The following KIAA0825 variants were observed in gnomAD, a reference collection of about 807,000 sequenced individuals.
KIAA0825 encodes uncharacterized protein KIAA0825.
In KIAA0825, 119 loss-of-function variants were observed where a neutral mutation model predicts 147.6. The ratio of observed to expected loss-of-function variants is 0.81; its 90% CI spans 0.69 to 0.94. The LOEUF is 0.94. KIAA0825 is among the 40% of genes least tolerant of loss of function. The pLI, the probability that KIAA0825 is intolerant of heterozygous loss-of-function variation, is 0.00. For missense variants in KIAA0825, 1,381 were observed against 1,472.7 expected, an observed-to-expected ratio of 0.94 and a Z score of 1.02; for synonymous variants, 470 against 518.1, an observed-to-expected ratio of 0.91 and a Z score of 1.26.
At chr5:94,372,761 G>A (rs553407365) in intron 20 of KIAA0825, among the ~76,000 whole-genome samples, 1 of 152,334 alleles carries the variant, frequency 6.6e-6, no homozygotes, top group East Asian at 1.9e-4. Flanking sequence ...TCAGCTCCTC[G>A]TTACTTATGC....
chr5:94,384,706 G>T (rs750445945), intron 19 of KIAA0825, among the ~76,000 whole-genome samples: 1 of 152,088 alleles, frequency 6.6e-6, no homozygotes, highest in South Asian at 2.1e-4. Flanking sequence ...TTATTGAGTC[G>T]TTATTCTTCC....
intron 2 of KIAA0825, among the ~76,000 whole-genome samples, chr5:94,547,872 G>C (rs930129897): frequency 1.3e-5 from 2 of 150,276 alleles, no homozygotes; most frequent in African/African-American, 4.9e-5. Context: ...AGGTACTGAA[G>C]GAAAAAAAAA....
intron 14 of KIAA0825, among the ~76,000 whole-genome samples, chr5:94,428,642 T>C (rs900651374): frequency 6.6e-6 from 1 of 152,224 alleles, no homozygotes; most frequent in Non-Finnish European, 1.5e-5. Context: ...CTTCCCTTTG[T>C]ACATGATCTG....
At chr5:94,224,082 C>CTTTTTTTTTTTT (rs869059424) in intron 20 of KIAA0825, among the ~76,000 whole-genome samples, 58 of 56,476 alleles carry the variant, frequency 1.0e-3, no homozygotes, top group Admixed American at 1.5e-3. Context: ...TTTTTCTTTT[C>CTTTTTTTTTTTT]TTTTTTTTTT....
intron 1 of KIAA0825, among the ~76,000 whole-genome samples, chr5:94,598,703 A>G (rs80292073): frequency 0.012 from 1,828 of 152,284 alleles, 34 homozygotes; most frequent in African/African-American, 0.042. Context: ...TCACAAACAC[A>G]AGTAATGCAT....
At chr5:94,559,966 C>A (rs1397219590) in intron 2 of KIAA0825, among the ~76,000 whole-genome samples, 2 of 152,162 alleles carry the variant, frequency 1.3e-5, no homozygotes, top group African/African-American at 2.4e-5. Flanking sequence ...TGCAGCCAGG[C>A]CTTCTCTTGT....
chr5:94,473,515 G>A lies in KIAA0825; in HGVS notation c.1232C>T (p.Thr411Ile). The change falls in exon 8 of 21, where the codon ACC becomes ATC. Residue 411 changes from threonine to isoleucine, a missense_variant. Physicochemically the swap from Thr to Ile is moderately conservative, Grantham distance 89. Transcript: ENST00000682413. Reference sequence around the variant, plus strand: ...ACTTCTCCAGCCAAAATCTAGTAAGGTAGCCTGAAATATCAATGTATATGA... The same window carrying A: ...ACTTCTCCAGCCAAAATCTAGTAAGATAGCCTGAAATATCAATGTATATGA... ...SEQSLPGKEA[T>I]LLDFGWRSAF... is the part of the protein sequence containing the mutation. The A allele has an allele frequency of 6.5e-7, 1 of 1,546,854 alleles. No individual in the cohort carries two copies. The highest frequency in any genetic ancestry group is 8.8e-7 in the Non-Finnish European group (1 of 1,142,698).
chr5:94,184,209 GT>G (rs1769917505), intron 20 of KIAA0825, among the ~76,000 whole-genome samples: 1 of 152,160 alleles, frequency 6.6e-6, no homozygotes, highest in African/African-American at 2.4e-5. Context: ...TCCTAGAGAT[GT>G]TAAGGATGAA....
At chr5:94,599,633 T>C (rs1234252630) in intron 1 of KIAA0825, among the ~76,000 whole-genome samples, 1 of 151,920 alleles carries the variant, frequency 6.6e-6, no homozygotes, top group Non-Finnish European at 1.5e-5. Context: ...AAAAGCAGAA[T>C]CAACAAAAGA....
At chr5:94,456,124 G>A (rs181397063) in intron 12 of KIAA0825, among the ~76,000 whole-genome samples, 1 of 152,280 alleles carries the variant, frequency 6.6e-6, no homozygotes, top group East Asian at 1.9e-4. Flanking sequence ...TGGAAGTCTT[G>A]ATGAGAGATC....
intron 17 of KIAA0825, among the ~76,000 whole-genome samples, chr5:94,394,968 T>C (rs1435781312): frequency 6.6e-6 from 1 of 152,188 alleles, no homozygotes; most frequent in South Asian, 2.1e-4. Flanking sequence ...GTCTTATAGA[T>C]TAACATAGAC....
chr5:94,495,394 G>A (rs1366527712), intron 5 of KIAA0825, among the ~76,000 whole-genome samples: 1 of 152,170 alleles, frequency 6.6e-6, no homozygotes, highest in African/African-American at 2.4e-5. Flanking sequence ...GCCCCTTGGT[G>A]GCAGACATTA....
intron 20 of KIAA0825, among the ~76,000 whole-genome samples, chr5:94,204,081 G>A (rs1232153864): frequency 6.6e-6 from 1 of 152,106 alleles, no homozygotes. Context: ...TTTCTTTAGA[G>A]CAGTAACAGA....
chr5:94,454,152 T>C (rs1343317234), intron 12 of KIAA0825, among the ~76,000 whole-genome samples: 1 of 152,212 alleles, frequency 6.6e-6, no homozygotes, highest in Non-Finnish European at 1.5e-5. Flanking sequence ...CTTTAGCAGA[T>C]AACTTGGCTA....
chr5:94,416,686 G>A (rs1753513651), intron 15 of KIAA0825: 1 of 153,630 alleles, frequency 6.5e-6, no homozygotes, highest in Admixed American at 6.4e-5. Context: ...GCTGAAGGAA[G>A]AAGAACAATA....
rs201927035 is a variant in KIAA0825, at chr5:94,159,481, T to C, written c.3711-5357A>G. The stretch of plus-strand genomic sequence containing the variant: ...AGTGGTTTCCTCAGAGCTCCTACCT[T>C]GATGTGCTTTCTCACGTTCTGTGTC... On this transcript the variant is annotated intron_variant, in intron 20 of 20. Coordinates refer to ENST00000682413, the MANE Select transcript of KIAA0825 (RefSeq NM_001145678.3). Among the ~76,000 whole-genome samples, 8 of 152,308 alleles carry C rather than the reference T, an allele frequency of 5.3e-5. No individual in the cohort carries two copies. The East Asian group carries it at 5.8e-4, about 11-fold the overall frequency.
intron 5 of KIAA0825, 141 bp downstream of exon 5, chr5:94,520,107 T>G: frequency 1.7e-6 from 2 of 1,202,864 alleles, no homozygotes; most frequent in Non-Finnish European, 2.1e-6. Flanking sequence ...GCATGAGAAA[T>G]GTATACTGCA....
At chr5:94,439,680 T>A (rs758464808) in intron 14 of KIAA0825, among the ~76,000 whole-genome samples, 1 of 152,168 alleles carries the variant, frequency 6.6e-6, no homozygotes, top group Non-Finnish European at 1.5e-5. Flanking sequence ...ATAACTGCAG[T>A]CCTACAATTT....
At chr5:94,354,630 G>A (rs897894858) in intron 20 of KIAA0825, among the ~76,000 whole-genome samples, 2 of 152,044 alleles carry the variant, frequency 1.3e-5, no homozygotes, top group Non-Finnish European at 2.9e-5. Context: ...AATAGCCTAC[G>A]AAGGAAAACA....
Sources: allele counts gnomAD v4.1 joint callset (sites outside exome capture counted in the v4.1 genomes callset), GRCh38; gene constraint gnomAD v4.1.1; transcripts MANE v1.5; gene names NCBI Gene and HGNC (gene_info 2026-07-23, HGNC 2026-07-21).